RBFOX1: variants seen among roughly 807,000 people sequenced by gnomAD.
The protein encoded by RBFOX1 is RNA binding fox-1 homolog 1.
A neutral mutation model predicts 57.7 loss-of-function variants in RBFOX1; 8 were observed. That is an observed-to-expected ratio of 0.14 (90% CI 0.08 to 0.25). RBFOX1 has a LOEUF of 0.25. Among genes scored for constraint, RBFOX1 ranks in the 10% least tolerant of loss-of-function variants. The pLI is 1.00. For missense variants in RBFOX1, 611 were observed against 548.5 expected, an observed-to-expected ratio of 1.11 and a Z score of -1.14; for synonymous variants, 326 against 222.4, an observed-to-expected ratio of 1.47 and a Z score of -4.15.
At chr16:6,571,079 CT>C (rs1460693813) in intron 2 of RBFOX1, among the ~76,000 whole-genome samples, 1 of 152,182 alleles carries the variant, frequency 6.6e-6, no homozygotes, top group Non-Finnish European at 1.5e-5. Flanking sequence ...CTACCAAGGA[CT>C]GGGATTCACA....
intron 2 of RBFOX1, among the ~76,000 whole-genome samples, chr16:5,541,070 G>T (rs954695986): frequency 6.6e-6 from 1 of 151,996 alleles, no homozygotes; most frequent in South Asian, 2.1e-4. Context: ...GGCTGATCTC[G>T]AACCCCTGGC....
At chr16:7,503,403 G>A (rs960579136) in intron 4 of RBFOX1, among the ~76,000 whole-genome samples, 4 of 152,170 alleles carry the variant, frequency 2.6e-5, no homozygotes, top group African/African-American at 9.7e-5. Context: ...GAATACTCTG[G>A]ACAGCTATGA....
chr16:5,766,907 C>G (rs1455630276), intron 3 of RBFOX1, among the ~76,000 whole-genome samples: 1 of 152,190 alleles, frequency 6.6e-6, no homozygotes, highest in Non-Finnish European at 1.5e-5. Flanking sequence ...ATTTTTAAAC[C>G]TCTACTTATA....
At chr16:6,347,599 G>A (rs971414578) in intron 2 of RBFOX1, among the ~76,000 whole-genome samples, 1 of 152,204 alleles carries the variant, frequency 6.6e-6, no homozygotes, top group East Asian at 1.9e-4. Flanking sequence ...CTGGGTGAAG[G>A]ACGCAAGAGA....
chr16:6,777,622 G>A (rs780177955), intron 3 of RBFOX1, among the ~76,000 whole-genome samples: 2 of 152,072 alleles, frequency 1.3e-5, no homozygotes, highest in African/African-American at 2.4e-5. Flanking sequence ...AATTTCACAC[G>A]TTATTCAGTG....
chr16:6,005,922 A>G (rs769212034), intron 4 of RBFOX1, among the ~76,000 whole-genome samples: 1 of 152,216 alleles, frequency 6.6e-6, no homozygotes, highest in Non-Finnish European at 1.5e-5. Flanking sequence ...GAGACTATTT[A>G]GAGACGAATG....
At chr16:5,826,786 T>C (rs2056071123) in intron 3 of RBFOX1, among the ~76,000 whole-genome samples, 1 of 152,228 alleles carries the variant, frequency 6.6e-6, no homozygotes. Flanking sequence ...CCTTTTATAA[T>C]TCCAAATATA....
intron 5 of RBFOX1, among the ~76,000 whole-genome samples, chr16:7,575,911 G>A (rs2093295041): frequency 6.6e-6 from 1 of 151,988 alleles, no homozygotes; most frequent in South Asian, 2.1e-4. Flanking sequence ...CCACTATCCT[G>A]TGAGCTTAGT....
intron 2 of RBFOX1, among the ~76,000 whole-genome samples, chr16:6,486,905 A>G (rs781320564): frequency 6.6e-6 from 1 of 152,178 alleles, no homozygotes; most frequent in Non-Finnish European, 1.5e-5. Flanking sequence ...ATAGATAATC[A>G]GAATAGCAGT....
At chr16:7,017,312 C>G (rs1026510192) in intron 3 of RBFOX1, among the ~76,000 whole-genome samples, 1 of 152,146 alleles carries the variant, frequency 6.6e-6, no homozygotes, top group East Asian at 1.9e-4. Flanking sequence ...TTATAGTGTA[C>G]TATAGATCCA....
At chr16:6,474,286 C>T (rs368697213) in intron 2 of RBFOX1, among the ~76,000 whole-genome samples, 1 of 152,108 alleles carries the variant, frequency 6.6e-6, no homozygotes, top group Admixed American at 6.5e-5. Context: ...CATCCCAGAG[C>T]GGACGTGACA....
chr16:6,366,100 T>C (rs1023754558), intron 2 of RBFOX1, among the ~76,000 whole-genome samples: 1 of 151,658 alleles, frequency 6.6e-6, no homozygotes, highest in African/African-American at 2.4e-5. Flanking sequence ...TGTGTGTGTG[T>C]GTGTGTGTGT....
intron 4 of RBFOX1, among the ~76,000 whole-genome samples, chr16:7,117,173 G>A (rs568410114): frequency 2.5e-4 from 38 of 152,292 alleles, no homozygotes; most frequent in African/African-American, 9.1e-4. Context: ...AGGGCAGAGA[G>A]GTGGCAGGTT....
intron 3 of RBFOX1, among the ~76,000 whole-genome samples, chr16:5,783,999 G>C (rs1252534169): frequency 6.6e-6 from 1 of 152,192 alleles, no homozygotes; most frequent in Non-Finnish European, 1.5e-5. Context: ...ACTTACCTGA[G>C]ACTGGGTAAT....
At chr16:5,596,167 C>T (rs1006563120) in intron 2 of RBFOX1, among the ~76,000 whole-genome samples, 1 of 152,126 alleles carries the variant, frequency 6.6e-6, no homozygotes, top group East Asian at 1.9e-4. Context: ...GAAGGCTCTG[C>T]AGGGGCAGCT....
chr16:6,348,423 G>A lies in RBFOX1; in HGVS notation c.-64+31366G>A, dbSNP rs185602454. On this transcript the variant is annotated intron_variant, in intron 2 of 15. Transcript: ENST00000550418. ...TTTCTATGGCAAATGCTGCCCTTAC[G>A]TCAGGGGAAATCTCTTTGCCCTGTT... Among the ~76,000 whole-genome samples, 122 of 152,238 alleles carry A rather than the reference G, an allele frequency of 8.0e-4. 1 individual carries two copies. Among genetic ancestry groups the A allele is most frequent in the Middle Eastern group, 3.4e-3 (1 of 294 alleles).
chr16:7,019,521 C>A (rs1365365138), intron 3 of RBFOX1, among the ~76,000 whole-genome samples: 1 of 152,032 alleles, frequency 6.6e-6, no homozygotes, highest in African/African-American at 2.4e-5. Flanking sequence ...AGCCCATGGT[C>A]CTCTCTCTCC....
chr16:7,002,538 C>A (rs559114810), intron 3 of RBFOX1, among the ~76,000 whole-genome samples: 1 of 152,074 alleles, frequency 6.6e-6, no homozygotes, highest in African/African-American at 2.4e-5. Flanking sequence ...ATGGTGAAAC[C>A]CCGTCTCTAC....
At chr16:6,193,417 T>TAA (rs2097159607) in intron 1 of RBFOX1, among the ~76,000 whole-genome samples, 1 of 122,710 alleles carries the variant, frequency 8.1e-6, no homozygotes, top group Non-Finnish European at 1.7e-5. Flanking sequence ...TATATATATA[T>TAA]ATATATATAA....
Sources: gnomAD v4.1 joint callset for allele counts (sites outside exome capture counted in the v4.1 genomes callset) on GRCh38, gnomAD v4.1.1 for gene constraint, MANE v1.5 for transcripts, NCBI Gene and HGNC (gene_info 2026-07-23, HGNC 2026-07-21) for gene names.